The following RPGRIP1L variants were observed in gnomAD, a reference collection of about 807,000 sequenced individuals.
The protein encoded by RPGRIP1L is RPGRIP1 like.
RPGRIP1L carries 131 observed loss-of-function variants against 160.4 expected under a neutral mutation model. That is an observed-to-expected ratio of 0.82 (90% CI 0.71 to 0.94). The LOEUF is 0.94. RPGRIP1L is among the 40% of genes least tolerant of loss of function. RPGRIP1L has a pLI of 0.00. For missense variants in RPGRIP1L, 1,522 were observed against 1,535.8 expected, an observed-to-expected ratio of 0.99 and a Z score of 0.15; for synonymous variants, 510 against 515.8, an observed-to-expected ratio of 0.99 and a Z score of 0.15.
chr16:53,677,107 T>A (rs1969243241), intron 6 of RPGRIP1L, among the ~76,000 whole-genome samples: 1 of 152,204 alleles, frequency 6.6e-6, no homozygotes, highest in Non-Finnish European at 1.5e-5. Flanking sequence ...TCAAAAACTT[T>A]CAGTGGTTTA....
At chr16:53,690,606 C>T (rs889252112) in intron 4 of RPGRIP1L, among the ~76,000 whole-genome samples, 15 of 152,202 alleles carry the variant, frequency 9.9e-5, no homozygotes, top group African/African-American at 3.6e-4. Flanking sequence ...TTTAGGTGTA[C>T]ACCATTGTGC....
chr16:53,681,194 A>G (rs903588494), intron 6 of RPGRIP1L, among the ~76,000 whole-genome samples: 2 of 152,232 alleles, frequency 1.3e-5, no homozygotes, highest in Admixed American at 1.3e-4. Flanking sequence ...AGGGAAGGCA[A>G]GTCAGAGTGT....
rs755374274 is a variant in RPGRIP1L, at chr16:53,664,982, T to C, written c.1131A>G (p.Gln377=). Residue 377 remains glutamine (Q), a synonymous_variant, in exon 10 of 27, where the codon CAA becomes CAG. Transcript: ENST00000647211. Reference sequence around the variant, plus strand: ...TCAGCTGTTGCTCCTTTAACTTCCATTGCTCTTCATGGGCAGCACTGAAGG... The same window carrying C: ...TCAGCTGTTGCTCCTTTAACTTCCACTGCTCTTCATGGGCAGCACTGAAGG... ...DSAFSAAHEE[Q]WKLKEQQLKV... is the part of the protein sequence containing the mutation. 2 of 1,613,684 alleles carry C rather than the reference T, an allele frequency of 1.2e-6. No individual in the cohort carries two copies. Among genetic ancestry groups the C allele is most frequent in the Non-Finnish European group, 1.7e-6 (2 of 1,179,904 alleles).
intron 2 of RPGRIP1L, among the ~76,000 whole-genome samples, chr16:53,696,964 C>T (rs567782815): frequency 1.7e-4 from 26 of 152,156 alleles, no homozygotes; most frequent in East Asian, 3.9e-4. Context: ...GGGGCTGGGG[C>T]GGGTGGATCA....
At chr16:53,696,417 G>T in intron 2 of RPGRIP1L, 122 bp from the exon 3 acceptor site, 1 of 937,348 alleles carries the variant, frequency 1.1e-6, no homozygotes, top group Non-Finnish European at 1.7e-6. Context: ...CTACAGTTAA[G>T]ATTGCTTTAG....
chr16:53,675,488 C>G (rs540456009), intron 6 of RPGRIP1L, among the ~76,000 whole-genome samples: 2 of 152,176 alleles, frequency 1.3e-5, no homozygotes, highest in East Asian at 3.9e-4. Context: ...TACCGAACTT[C>G]ACACTTATTT....
chr16:53,621,961 T>G (rs1964745455), intron 23 of RPGRIP1L, among the ~76,000 whole-genome samples: 1 of 128,706 alleles, frequency 7.8e-6, no homozygotes, highest in African/African-American at 3.1e-5. Flanking sequence ...GGGCGGAGCT[T>G]GCAGTGAGCC....
chr16:53,687,500 T>C (rs1026467122), intron 5 of RPGRIP1L, among the ~76,000 whole-genome samples: 1 of 152,152 alleles, frequency 6.6e-6, no homozygotes, highest in African/African-American at 2.4e-5. Context: ...TTATTTTTTT[T>C]AACCAAGAAA....
chr16:53,659,032 G>A, intron 10 of RPGRIP1L, 154 bp from the exon 11 acceptor site: 1 of 674,866 alleles, frequency 1.5e-6, no homozygotes. Flanking sequence ...AAAGACAGCA[G>A]GGGAATGAGG....
chr16:53,691,631 G>C (rs1970387280), intron 4 of RPGRIP1L, among the ~76,000 whole-genome samples: 1 of 152,204 alleles, frequency 6.6e-6, no homozygotes. Context: ...CACATGCCAT[G>C]TCATGCTACC....
At chr16:53,665,972 T>A (rs1382116919) in intron 9 of RPGRIP1L, among the ~76,000 whole-genome samples, 1 of 152,176 alleles carries the variant, frequency 6.6e-6, no homozygotes, top group Non-Finnish European at 1.5e-5. Flanking sequence ...CAGAAAACCA[T>A]TATCTATGAA....
chr16:53,644,367 T>C (rs536119672), intron 17 of RPGRIP1L, among the ~76,000 whole-genome samples: 1 of 151,980 alleles, frequency 6.6e-6, no homozygotes, highest in East Asian at 1.9e-4. Flanking sequence ...CAGCATATGG[T>C]ACATGTACTG....
At chr16:53,622,049 G>A (rs1424800137) in intron 23 of RPGRIP1L, among the ~76,000 whole-genome samples, 170 bp downstream of exon 23, 128 of 69,374 alleles carry the variant, frequency 1.8e-3, no homozygotes, top group East Asian at 2.4e-3. Context: ...AAAAAAAAAA[G>A]TTCAACTAGA....
intron 4 of RPGRIP1L, among the ~76,000 whole-genome samples, chr16:53,688,428 C>A (rs567596186): frequency 1.3e-5 from 2 of 151,992 alleles, no homozygotes; most frequent in East Asian, 3.9e-4. Flanking sequence ...TTATTCCACC[C>A]CAATAACAAA....
chr16:53,630,311 C>T (rs182351746), intron 22 of RPGRIP1L, among the ~76,000 whole-genome samples: 1 of 152,256 alleles, frequency 6.6e-6, no homozygotes, highest in Non-Finnish European at 1.5e-5. Flanking sequence ...TGGACTTCCT[C>T]AAGTGTTAGG....
At chr16:53,651,559 ACT>A (rs1364928708) in intron 15 of RPGRIP1L, among the ~76,000 whole-genome samples, 1 of 151,884 alleles carries the variant, frequency 6.6e-6, no homozygotes, top group Admixed American at 6.6e-5. Context: ...TGTTCCTCCC[ACT>A]GTCAGGCTTG....
At chr16:53,668,204 C>T (rs1968437125) in intron 9 of RPGRIP1L, among the ~76,000 whole-genome samples, 1 of 152,100 alleles carries the variant, frequency 6.6e-6, no homozygotes, top group African/African-American at 2.4e-5. Context: ...GAAGCATAAG[C>T]TGCTCATATT....
rs372739127 is a variant in RPGRIP1L at position 53,605,630 on chromosome 16, T to C, written c.3702-16A>G. On this transcript the variant is annotated splice_polypyrimidine_tract_variant and intron_variant, in intron 25 of 26. Transcript: ENST00000647211. ...GAAGCGAAGGCTGGTAAGGCAGAGA[T>C]CAGAGAAAGTCACCACCAAGTGAGA... 74 of 1,613,228 alleles carry C rather than the reference T, an allele frequency of 4.6e-5. No individual in the cohort carries two copies. The African/African-American group carries it at 9.1e-4, about 20-fold the overall frequency.
chr16:53,625,655 CA>C (rs1179677531), intron 22 of RPGRIP1L, among the ~76,000 whole-genome samples: 2 of 152,234 alleles, frequency 1.3e-5, no homozygotes, highest in East Asian at 3.9e-4. Context: ...CCCAACGGCT[CA>C]TTGAGAACGG....
Sources: gnomAD v4.1 joint callset for allele counts (sites outside exome capture counted in the v4.1 genomes callset) on GRCh38, gnomAD v4.1.1 for gene constraint, MANE v1.5 for transcripts, NCBI Gene and HGNC (gene_info 2026-07-23, HGNC 2026-07-21) for gene names.